TBCCD1: variants seen among roughly 807,000 people sequenced by gnomAD.
TBCCD1 encodes the protein TBCC domain containing 1.
TBCCD1 carries 26 observed loss-of-function variants against 53.4 expected under a neutral mutation model. The observed-to-expected ratio is 0.49, with a 90% CI of 0.36 to 0.68. The LOEUF (loss-of-function observed/expected upper bound fraction) is 0.68, where lower values mean the gene tolerates loss of function less well. Ranked by LOEUF, TBCCD1 falls within the 30% of genes least tolerant of loss-of-function variation. The pLI is 0.00. For missense variants in TBCCD1, 558 were observed against 669.5 expected, an observed-to-expected ratio of 0.83 and a Z score of 1.84; for synonymous variants, 245 against 241.7, an observed-to-expected ratio of 1.01 and a Z score of -0.13.
At chr3:186,570,421 C>G (rs116666270), upstream of TBCCD1, 53 of 477,294 alleles carry the variant, frequency 1.1e-4, no homozygotes, top group African/African-American at 9.7e-4. Context: ...GTGGGCAAGC[C>G]GGAGGGATTT....
rs974473348 is a variant in TBCCD1 at position 186,546,454 on chromosome 3, T to C, written c.*523A>G. The C allele has an allele frequency of 4.6e-5, 7 of 152,166 alleles. No homozygotes were observed. Among genetic ancestry groups the C allele is most frequent in the Non-Finnish European group, 1.0e-4 (7 of 68,028 alleles). The allele number at this position is 152,166 out of a possible 1,614,324, so 9.4% of individuals were successfully genotyped here. The stretch of plus-strand genomic sequence containing the variant: ...GTCTTCTGATGTTCTATAAGCAATA[T>C]GTTTATATGAAAGTCAGAAGTTTAG... On this transcript the variant is annotated 3_prime_UTR_variant, in exon 8 of 8. Coordinates refer to ENST00000338733, the MANE Select transcript of TBCCD1 (RefSeq NM_018138.5).
At chr3:186,552,554 TC>T (rs1714411836) in intron 6 of TBCCD1, among the ~76,000 whole-genome samples, 1 of 152,204 alleles carries the variant, frequency 6.6e-6, no homozygotes, top group Non-Finnish European at 1.5e-5. Flanking sequence ...AGTGGCTACT[TC>T]TTTACAATTA....
intron 2 of TBCCD1, among the ~76,000 whole-genome samples, chr3:186,561,050 A>G (rs1203872953): frequency 6.6e-6 from 1 of 152,200 alleles, no homozygotes; most frequent in Non-Finnish European, 1.5e-5. Flanking sequence ...GCTCCTTGAC[A>G]TTGGTCTTGG....
chr3:186,558,570 A>C lies in TBCCD1; in HGVS notation c.339T>G (p.Leu113=), dbSNP rs1578971122. The C allele has an allele frequency of 6.2e-7, 1 of 1,612,686 alleles. No individual in the cohort carries two copies. The highest frequency in any genetic ancestry group is 1.3e-5 in the African/African-American group (1 of 74,946). Reference sequence around the variant, plus strand: ...GCAGAAACTGTAGCGTGTCCACTGAAAGCTGTCCAAGAAGAAAATAAAAGA... The same window carrying C: ...GCAGAAACTGTAGCGTGTCCACTGACAGCTGTCCAAGAAGAAAATAAAAGA... ...EEEVEKQRNQ[L]SVDTLQFLLF... is the part of the protein sequence containing the mutation. The change falls in exon 3 of 8, where the codon CTT becomes CTG. Residue 113 remains leucine, a splice_region_variant and synonymous_variant. Coordinates refer to ENST00000338733, the MANE Select transcript of TBCCD1 (RefSeq NM_018138.5).
chr3:186,552,804 A>G (rs747541126), intron 6 of TBCCD1, among the ~76,000 whole-genome samples: 24 of 152,264 alleles, frequency 1.6e-4, no homozygotes, highest in Non-Finnish European at 2.6e-4. Context: ...CCTCCTTGCC[A>G]TGAGTCAACA....
At chr3:186,563,470 T>C (rs955340395) in intron 2 of TBCCD1, among the ~76,000 whole-genome samples, 1 of 152,256 alleles carries the variant, frequency 6.6e-6, no homozygotes, top group Non-Finnish European at 1.5e-5. Flanking sequence ...AATCCCATCA[T>C]GTAGCAGATG....
chr3:186,555,860 T>C (rs1327703964), intron 4 of TBCCD1, among the ~76,000 whole-genome samples: 1 of 152,170 alleles, frequency 6.6e-6, no homozygotes, highest in Non-Finnish European at 1.5e-5. Flanking sequence ...CCTGAGTTCA[T>C]GTCTTTACTC....
At chr3:186,566,969 A>G (rs1168703445) in intron 1 of TBCCD1, among the ~76,000 whole-genome samples, 3 of 152,194 alleles carry the variant, frequency 2.0e-5, no homozygotes, top group African/African-American at 7.2e-5. Context: ...GTAAACAAAC[A>G]TAAACTGGGG....
chr3:186,563,801 T>C (rs1037673463), intron 2 of TBCCD1, among the ~76,000 whole-genome samples, 193 bp downstream of exon 2: 1 of 152,210 alleles, frequency 6.6e-6, no homozygotes, highest in Non-Finnish European at 1.5e-5. Context: ...TGGTGGCTCA[T>C]GCCTGTAATC....
In TBCCD1 at chr3:186,554,337, T is replaced by C. The variant is rs1714460920; in HGVS notation, c.1461A>G (p.Pro487=). The change falls in exon 6 of 8, where the codon CCA becomes CCG. Residue 487 remains proline, a synonymous_variant. Coordinates refer to ENST00000338733, the MANE Select transcript of TBCCD1 (RefSeq NM_018138.5). ...GACCCAGTGCTTTCTGATATACAGA[T>C]GGAAGACCCCCGGGTATCTCTGTTG... ...GDTTEIPGGL[P]SVYQKALGQR... is the part of the protein sequence containing the mutation. 5 of 1,614,274 alleles carry C rather than the reference T, an allele frequency of 3.1e-6. No homozygotes were observed. Among genetic ancestry groups the C allele is most frequent in the African/African-American group, 1.3e-5 (1 of 75,078 alleles).
chr3:186,554,958 C>G lies in TBCCD1; in HGVS notation c.986G>C (p.Gly329Ala). The change falls in exon 5 of 8, where the codon GGG becomes GCG. Residue 329 changes from glycine (G) to alanine (A), a missense_variant. Physicochemically the swap from Gly to Ala is moderately conservative, Grantham distance 60. Coordinates refer to ENST00000338733, the MANE Select transcript of TBCCD1 (RefSeq NM_018138.5). ...GCAACGATGAATCTTTACATGTGCC[C>G]CCGCCAGAGTGTCTGAGCTCTTAGC... ...TLAKSSDTLA[G>A]AHVKIHRCNE... 6.2e-7 allele frequency: 1 copy of G among 1,613,830 alleles called. No homozygotes were observed. Among genetic ancestry groups the G allele is most frequent in the Non-Finnish European group, 8.5e-7 (1 of 1,180,028 alleles).
At chr3:186,553,964 C>T (rs1187955418) in intron 6 of TBCCD1, among the ~76,000 whole-genome samples, 1 of 152,170 alleles carries the variant, frequency 6.6e-6, no homozygotes, top group East Asian at 1.9e-4. Context: ...TCTCCTGCCT[C>T]AGCCTCCCAC....
In TBCCD1 at chr3:186,554,898, C is replaced by A. The variant is rs199644328; in HGVS notation, c.1046G>T (p.Arg349Leu). The A allele has an allele frequency of 3.1e-6, 5 of 1,613,032 alleles. No homozygotes were observed. In the African/African-American group the frequency reaches 6.7e-5, roughly 22 times the overall value. ...AGAACACCATGAAAACTGTGCTTAC[C>A]GTAAGGGAGAGAGCAGATATATAAA... is the stretch of plus-strand genomic sequence containing the variant. Reference protein sequence around the residue: ...ESFIYLLSPLRSVTIEKCRNS... With the variant: ...ESFIYLLSPLLSVTIEKCRNS... The change falls in exon 5 of 8, where the codon CGA becomes CTA. Residue 349 changes from arginine to leucine, a missense_variant and splice_region_variant. Coordinates refer to ENST00000338733, the MANE Select transcript of TBCCD1 (RefSeq NM_018138.5).
intron 7 of TBCCD1, among the ~76,000 whole-genome samples, chr3:186,550,237 A>AC (rs1230437478): frequency 6.6e-6 from 1 of 151,432 alleles, no homozygotes; most frequent in Non-Finnish European, 1.5e-5. Context: ...CAAAAAAAAA[A>AC]AAAAAAAAAA....
chr3:186,555,982 G>T (rs376520703), intron 4 of TBCCD1, among the ~76,000 whole-genome samples: 1 of 152,174 alleles, frequency 6.6e-6, no homozygotes, highest in East Asian at 1.9e-4. Context: ...ACCGTTACGT[G>T]ACTGCCTTCT....
At chr3:186,567,932 G>C (rs1270664662), upstream of TBCCD1, among the ~76,000 whole-genome samples, 1 of 152,172 alleles carries the variant, frequency 6.6e-6, no homozygotes, top group Non-Finnish European at 1.5e-5. Context: ...AGCTTTTTCA[G>C]ATTACCGGGC....
chr3:186,561,972 A>G (rs969574343), intron 2 of TBCCD1, among the ~76,000 whole-genome samples: 1 of 152,234 alleles, frequency 6.6e-6, no homozygotes, highest in Non-Finnish European at 1.5e-5. Context: ...GAAGCAGCCT[A>G]AATGTCCACA....
chr3:186,556,101 T>C (rs1423800527), intron 4 of TBCCD1, among the ~76,000 whole-genome samples: 4 of 152,182 alleles, frequency 2.6e-5, no homozygotes, highest in African/African-American at 9.7e-5. Context: ...AAAACATTTC[T>C]TGTTTATTTT....
chr3:186,563,657 T>C (rs769050367), intron 2 of TBCCD1, among the ~76,000 whole-genome samples: 64 of 152,340 alleles, frequency 4.2e-4, no homozygotes, highest in Non-Finnish European at 7.5e-4. Flanking sequence ...GACTAATTCA[T>C]TGAATACATG....
Sources: allele counts gnomAD v4.1 joint callset (sites outside exome capture counted in the v4.1 genomes callset), GRCh38; gene constraint gnomAD v4.1.1; transcripts MANE v1.5; gene names NCBI Gene and HGNC (gene_info 2026-07-23, HGNC 2026-07-21).